Variants in GPHN observed in about 807,000 individuals in gnomAD.
GPHN encodes gephyrin.
A neutral mutation model predicts 95.5 loss-of-function variants in GPHN; 17 were observed. The observed-to-expected ratio is 0.18, with a 90% CI of 0.12 to 0.27. The LOEUF (loss-of-function observed/expected upper bound fraction) is 0.27. Ranked by LOEUF, GPHN falls within the 10% of genes least tolerant of loss-of-function variation. The pLI is 1.00. For synonymous variants in GPHN, 320 were observed against 322.5 expected (o/e 0.99, Z 0.08); for missense variants, 660 against 978.1 (o/e 0.67, Z 4.34).
chr14:67,041,337 A>T (rs1015595451), intron 10 of GPHN, among the ~76,000 whole-genome samples: 2 of 151,868 alleles, frequency 1.3e-5, no homozygotes, highest in African/African-American at 4.8e-5. Flanking sequence ...CACCTACATT[A>T]GGTATTTCTC....
intron 11 of GPHN, among the ~76,000 whole-genome samples, chr14:67,070,113 C>G (rs758916335): frequency 5.9e-5 from 9 of 152,096 alleles, no homozygotes; most frequent in Non-Finnish European, 1.3e-4. Context: ...GTATTCATAT[C>G]TCTTTAGACT....
chr14:66,651,726 C>T (rs1371372255), intron 1 of GPHN, among the ~76,000 whole-genome samples: 1 of 152,080 alleles, frequency 6.6e-6, no homozygotes, highest in Non-Finnish European at 1.5e-5. Flanking sequence ...CCATTGCCAA[C>T]ATCCTGTCTT....
At chr14:67,399,865 G>C in the GPHN span, among the ~76,000 whole-genome samples, 3 of 152,240 alleles carry the variant, frequency 2.0e-5, no homozygotes, top group Admixed American at 6.5e-5. Context: ...TGTCTGCTGA[G>C]GGATCAGAAA....
At chr14:67,110,784 C>T (rs1032649702) in intron 14 of GPHN, among the ~76,000 whole-genome samples, 1 of 152,184 alleles carries the variant, frequency 6.6e-6, no homozygotes, top group East Asian at 1.9e-4. Flanking sequence ...ACCCTTTCAC[C>T]TCTGGTTTTC....
chr14:67,416,970 A>ACGTCACC, the GPHN span, among the ~76,000 whole-genome samples: 7 of 152,362 alleles, frequency 4.6e-5, no homozygotes, highest in Admixed American at 3.9e-4. Flanking sequence ...GGAGACTTCT[A>ACGTCACC]CGTCACCCAA....
chr14:66,752,516 G>A (rs74919319), intron 2 of GPHN, among the ~76,000 whole-genome samples: 8,917 of 152,098 alleles, frequency 0.059, 359 homozygotes, highest in Middle Eastern at 0.099. Flanking sequence ...CAGGAAAATG[G>A]CCAGCTGGTC....
At chr14:67,642,125 G>C in the GPHN span, 29 of 1,507,936 alleles carry the variant, frequency 1.9e-5, no homozygotes, top group Non-Finnish European at 2.4e-5. Context: ...TGTGGCCCAG[G>C]CTAGTTAAGA....
chr14:67,574,134 C>A, the GPHN span: 1 of 989,186 alleles, frequency 1.0e-6, no homozygotes, highest in Non-Finnish European at 1.5e-6. This position sits in a 1 kb window ranked among gnomAD's most constrained non-coding sequence, Gnocchi z 4.2. Flanking sequence ...CTAGGGCAGG[C>A]AGAAGGCCAG....
intron 8 of GPHN, among the ~76,000 whole-genome samples, chr14:66,940,638 A>G (rs1043042015): frequency 1.3e-5 from 2 of 152,220 alleles, no homozygotes; most frequent in African/African-American, 2.4e-5. Flanking sequence ...TCATGAAACA[A>G]GAAGCTTGGC....
chr14:67,728,897 G>C, the GPHN span, among the ~76,000 whole-genome samples: 1 of 152,124 alleles, frequency 6.6e-6, no homozygotes, highest in Non-Finnish European at 1.5e-5. Context: ...CTCACTACAT[G>C]TTGTCATGTT....
chr14:66,518,121 A>ATAAC (rs961127828), intron 1 of GPHN, among the ~76,000 whole-genome samples: 2 of 141,916 alleles, frequency 1.4e-5, no homozygotes, highest in African/African-American at 5.8e-5. Flanking sequence ...AAATAAATAA[A>ATAAC]TAACCCAGAA....
At chr14:67,496,572 GA>G in the GPHN span, among the ~76,000 whole-genome samples, 31 of 151,764 alleles carry the variant, frequency 2.0e-4, no homozygotes, top group Admixed American at 1.1e-3. Flanking sequence ...TGCTGGAAGA[GA>G]AGTAGACGTG....
At chr14:67,208,539 G>T in the GPHN span, 2 of 1,322,994 alleles carry the variant, frequency 1.5e-6, no homozygotes, top group South Asian at 3.0e-5. Context: ...TCAGGCATCT[G>T]CCACTGAAGA....
chr14:66,629,080 C>CATAT (rs35164691), intron 1 of GPHN, among the ~76,000 whole-genome samples: 105 of 111,856 alleles, frequency 9.4e-4, no homozygotes, highest in South Asian at 1.6e-3. Context: ...AAAAAAAATA[C>CATAT]ATATATATAT....
At chr14:67,601,094 G>C in the GPHN span, among the ~76,000 whole-genome samples, 1 of 152,194 alleles carries the variant, frequency 6.6e-6, no homozygotes, top group East Asian at 1.9e-4. Flanking sequence ...AAATAAGAGA[G>C]TATCGTTGGC....
intron 2 of GPHN, among the ~76,000 whole-genome samples, chr14:66,759,142 T>A (rs918464126): frequency 7.9e-5 from 12 of 152,212 alleles, no homozygotes; most frequent in Admixed American, 7.9e-4. Flanking sequence ...CCACAAGGAA[T>A]CTCAGATAAG....
At chr14:67,380,242 C>T in the GPHN span, among the ~76,000 whole-genome samples, 3 of 152,172 alleles carry the variant, frequency 2.0e-5, no homozygotes, top group African/African-American at 7.2e-5. Flanking sequence ...TGCATGAAGC[C>T]CTTCCTGACC....
chr14:67,731,219 T>C, the GPHN span, among the ~76,000 whole-genome samples: 19 of 142,986 alleles, frequency 1.3e-4, no homozygotes, highest in Admixed American at 9.1e-4. Context: ...TTTTTTTTTT[T>C]TTTTTTTTTT....
At chr14:66,954,044 A>G (rs949691974) in intron 8 of GPHN, among the ~76,000 whole-genome samples, 3 of 152,158 alleles carry the variant, frequency 2.0e-5, no homozygotes, top group South Asian at 2.1e-4. Context: ...TCAAAAAAAA[A>G]AAAAAAAAGG....
Sources: allele counts gnomAD v4.1 joint callset (sites outside exome capture counted in the v4.1 genomes callset), GRCh38; gene constraint gnomAD v4.1.1; non-coding constraint Gnocchi (gnomAD v3.1); transcripts MANE v1.5; gene names NCBI Gene and HGNC (gene_info 2026-07-23, HGNC 2026-07-21).